The following KCTD16 variants were observed in gnomAD, a reference collection of about 807,000 sequenced individuals.
The protein encoded by KCTD16 is BTB/POZ domain-containing protein KCTD16.
KCTD16 carries 13 observed loss-of-function variants against 33.2 expected under a neutral mutation model. That is an observed-to-expected ratio of 0.39 (90% CI 0.25 to 0.62). The LOEUF (loss-of-function observed/expected upper bound fraction) is 0.62, where lower values mean the gene tolerates loss of function less well. Ranked by LOEUF, KCTD16 falls within the 20% of genes least tolerant of loss-of-function variation. The pLI is 0.50. For synonymous variants in KCTD16, 197 were observed against 195.3 expected, an observed-to-expected ratio of 1.01 and a Z score of -0.07; for missense variants, 441 against 525.1, an observed-to-expected ratio of 0.84 and a Z score of 1.57.
intron 3 of KCTD16, among the ~76,000 whole-genome samples, chr5:144,332,041 C>T (rs1752375269): frequency 6.6e-6 from 1 of 152,108 alleles, no homozygotes; most frequent in African/African-American, 2.4e-5. Flanking sequence ...ATAGGGACTG[C>T]TGGCAAAAGA....
At chr5:144,319,091 A>C (rs1752004923) in intron 3 of KCTD16, among the ~76,000 whole-genome samples, 1 of 152,066 alleles carries the variant, frequency 6.6e-6, no homozygotes, top group Non-Finnish European at 1.5e-5. Context: ...TAAGTGCTTA[A>C]TATAAATTTA....
At chr5:144,341,884 G>A (rs1401273678) in intron 3 of KCTD16, among the ~76,000 whole-genome samples, 1 of 152,090 alleles carries the variant, frequency 6.6e-6, no homozygotes, top group Non-Finnish European at 1.5e-5. Context: ...AATAAATAGT[G>A]CACATTTGTG....
intron 3 of KCTD16, among the ~76,000 whole-genome samples, chr5:144,354,155 A>G (rs1440137387): frequency 6.6e-6 from 1 of 152,120 alleles, no homozygotes; most frequent in Non-Finnish European, 1.5e-5. Flanking sequence ...ACATGATTCT[A>G]CAACTCTAAA....
chr5:144,373,983 GT>G lies in KCTD16; in HGVS notation c.833-99676del, dbSNP rs578175929. On this transcript the variant is annotated intron_variant, in intron 3 of 3. Coordinates refer to ENST00000512467, the MANE Select transcript of KCTD16 (RefSeq NM_020768.4). ...CTGCATCACTGCAGTTTCTGTTTCA[GT>G]CACCACATCAAGTTCTCCCTTATAT... Among the ~76,000 whole-genome samples the G allele has an allele frequency of 1.1e-3, 165 of 152,270 alleles. 3 individuals are homozygous for G. The highest frequency in any genetic ancestry group is 3.7e-3 in the African/African-American group (155 of 41,560).
intron 3 of KCTD16, among the ~76,000 whole-genome samples, chr5:144,325,532 T>G (rs1168044183): frequency 6.6e-6 from 1 of 152,168 alleles, no homozygotes; most frequent in African/African-American, 2.4e-5. Context: ...CCTACTGTCA[T>G]GTGCTCTCCC....
intron 3 of KCTD16, among the ~76,000 whole-genome samples, chr5:144,267,853 C>A (rs1755188845): frequency 6.6e-6 from 1 of 152,128 alleles, no homozygotes; most frequent in Admixed American, 6.6e-5. Flanking sequence ...AAAATAAACT[C>A]ATCTGAAGGC....
At chr5:144,373,409 A>G (rs574565201) in intron 3 of KCTD16, among the ~76,000 whole-genome samples, 1 of 152,296 alleles carries the variant, frequency 6.6e-6, no homozygotes, top group Admixed American at 6.5e-5. Context: ...TTTGTCCAAA[A>G]AATTTTCCAT....
chr5:144,334,320 T>C (rs1199360024), intron 3 of KCTD16, among the ~76,000 whole-genome samples: 2 of 152,172 alleles, frequency 1.3e-5, no homozygotes, highest in Admixed American at 1.3e-4. Context: ...GTTTTGGGAC[T>C]CAAGGTGGGT....
chr5:144,329,725 C>T (rs1206691087), intron 3 of KCTD16, among the ~76,000 whole-genome samples: 3 of 152,200 alleles, frequency 2.0e-5, no homozygotes, highest in Non-Finnish European at 4.4e-5. Context: ...AATAAACACT[C>T]AATCAAACAA....
At position 144,420,379 on chromosome 5, in the gene KCTD16, C is replaced by T. The variant is rs545418835; in HGVS notation, c.833-53281C>T. Among the ~76,000 whole-genome samples, 4 of 152,178 alleles carry T rather than the reference C, an allele frequency of 2.6e-5. No individual in the cohort carries two copies. In the South Asian group the frequency reaches 8.3e-4, roughly 32 times the overall value. On this transcript the variant is annotated intron_variant, in intron 3 of 3. Coordinates refer to ENST00000512467, the MANE Select transcript of KCTD16 (RefSeq NM_020768.4). ...ATGTAACAAACCTGCACGTTGTGCACATGTACCCTAGAACTTAAAGTATAA... is the reference window on the plus strand; with the variant it reads ...ATGTAACAAACCTGCACGTTGTGCATATGTACCCTAGAACTTAAAGTATAA...
At chr5:144,471,557 A>C (rs1754474144) in intron 3 of KCTD16, among the ~76,000 whole-genome samples, 1 of 152,176 alleles carries the variant, frequency 6.6e-6, no homozygotes, top group Non-Finnish European at 1.5e-5. Flanking sequence ...ACCATTTCTC[A>C]GTTAAGTCAT....
At chr5:144,267,725 G>T (rs1185170397) in intron 3 of KCTD16, among the ~76,000 whole-genome samples, 1 of 152,080 alleles carries the variant, frequency 6.6e-6, no homozygotes, top group Non-Finnish European at 1.5e-5. Flanking sequence ...GTCAAATGAG[G>T]TACCATTCTT....
chr5:144,452,953 A>G (rs1753979473), intron 3 of KCTD16, among the ~76,000 whole-genome samples: 1 of 152,108 alleles, frequency 6.6e-6, no homozygotes, highest in South Asian at 2.1e-4. Context: ...CACTAATCAT[A>G]CATGAGCTGG....
chr5:144,331,385 G>T (rs1752355062), intron 3 of KCTD16, among the ~76,000 whole-genome samples: 1 of 152,146 alleles, frequency 6.6e-6, no homozygotes, highest in African/African-American at 2.4e-5. Flanking sequence ...CAATGCATTG[G>T]TCTTAGGTTT....
chr5:144,232,680 T>C (rs1028322954), intron 3 of KCTD16, among the ~76,000 whole-genome samples: 6 of 152,214 alleles, frequency 3.9e-5, no homozygotes, highest in Admixed American at 3.9e-4. Context: ...AGCAGTACTG[T>C]TCAATAGAAA....
intron 3 of KCTD16, among the ~76,000 whole-genome samples, chr5:144,226,478 T>C (rs1002637295): frequency 6.6e-6 from 1 of 152,174 alleles, no homozygotes; most frequent in African/African-American, 2.4e-5. Flanking sequence ...ATAGTAAGTA[T>C]GAGTTCATTA....
At chr5:144,297,173 TTTC>T (rs1451293276) in intron 3 of KCTD16, among the ~76,000 whole-genome samples, 2 of 152,232 alleles carry the variant, frequency 1.3e-5, no homozygotes, top group African/African-American at 4.8e-5. Flanking sequence ...CACGTTTGAG[TTTC>T]TTCTTCATTT....
intron 3 of KCTD16, among the ~76,000 whole-genome samples, chr5:144,408,429 G>A (rs1752860864): frequency 6.6e-6 from 1 of 152,216 alleles, no homozygotes. Context: ...TGTACAGTCA[G>A]ATTGCATTGA....
chr5:144,390,747 A>G (rs990561820), intron 3 of KCTD16, among the ~76,000 whole-genome samples: 1 of 150,992 alleles, frequency 6.6e-6, no homozygotes, highest in Admixed American at 6.6e-5. Flanking sequence ...TCATTGTTCA[A>G]CTCCCACTTA....
Sources: gnomAD v4.1 joint callset for allele counts (sites outside exome capture counted in the v4.1 genomes callset) on GRCh38, gnomAD v4.1.1 for gene constraint, MANE v1.5 for transcripts, NCBI Gene and HGNC (gene_info 2026-07-23, HGNC 2026-07-21) for gene names.